The following PPARGC1A variants were observed in gnomAD, a reference collection of about 807,000 sequenced individuals.
PPARGC1A encodes peroxisome proliferator-activated receptor gamma coactivator 1-alpha.
A neutral mutation model predicts 88.7 loss-of-function variants in PPARGC1A; 25 were observed. The observed-to-expected ratio is 0.28, with a 90% CI of 0.21 to 0.39. The LOEUF (loss-of-function observed/expected upper bound fraction) is 0.39. Ranked by LOEUF, PPARGC1A falls within the 10% of genes least tolerant of loss-of-function variation. PPARGC1A has a pLI of 1.00. For synonymous variants in PPARGC1A, 363 were observed against 355.6 expected (o/e 1.02, Z -0.24); for missense variants, 880 against 968.7 (o/e 0.91, Z 1.22).
At chr4:23,965,067 T>A in the PPARGC1A span, among the ~76,000 whole-genome samples, 1 of 152,128 alleles carries the variant, frequency 6.6e-6, no homozygotes, top group Admixed American at 6.6e-5. Context: ...CCTTCCCCTA[T>A]TCTCCCATCA....
At chr4:24,040,386 G>A in the PPARGC1A span, among the ~76,000 whole-genome samples, 1 of 152,118 alleles carries the variant, frequency 6.6e-6, no homozygotes, top group Non-Finnish European at 1.5e-5. Context: ...CCCAAAATAA[G>A]CAGATGTAAT....
At chr4:24,038,770 G>C in the PPARGC1A span, among the ~76,000 whole-genome samples, 24 of 152,252 alleles carry the variant, frequency 1.6e-4, 1 homozygote, top group African/African-American at 5.8e-4. Flanking sequence ...CCCAGCTCCA[G>C]TTTAATTTCT....
chr4:24,202,417 A>G, the PPARGC1A span, among the ~76,000 whole-genome samples: 1 of 152,100 alleles, frequency 6.6e-6, no homozygotes, highest in African/African-American at 2.4e-5. Flanking sequence ...AGAGCCAGGC[A>G]CATGCAAAGT....
At chr4:24,036,786 T>C in the PPARGC1A span, among the ~76,000 whole-genome samples, 3 of 152,204 alleles carry the variant, frequency 2.0e-5, no homozygotes, top group Admixed American at 1.3e-4. Flanking sequence ...GTTGGAGATA[T>C]TATGTACACA....
the PPARGC1A span, among the ~76,000 whole-genome samples, chr4:24,249,308 A>G: frequency 6.6e-6 from 1 of 152,154 alleles, no homozygotes; most frequent in Admixed American, 6.5e-5. Flanking sequence ...AGTAAAAATC[A>G]TAGAGTTATT....
chr4:23,946,116 G>T, the PPARGC1A span, among the ~76,000 whole-genome samples: 1 of 152,146 alleles, frequency 6.6e-6, no homozygotes, highest in African/African-American at 2.4e-5. Flanking sequence ...CACAGGGAAT[G>T]AATCTCACTT....
At chr4:23,914,886 A>G in the PPARGC1A span, among the ~76,000 whole-genome samples, 8 of 152,364 alleles carry the variant, frequency 5.3e-5, no homozygotes, top group South Asian at 1.7e-3. Flanking sequence ...AATATTTTGC[A>G]TTATTGATAA....
chr4:23,850,479 T>C (rs906658013), intron 2 of PPARGC1A, among the ~76,000 whole-genome samples: 15 of 152,228 alleles, frequency 9.9e-5, no homozygotes, highest in Non-Finnish European at 2.1e-4. Context: ...AGTACAAGCA[T>C]GGCAGTAAAG....
At chr4:23,878,154 G>C (rs143031467) in intron 2 of PPARGC1A, among the ~76,000 whole-genome samples, 1 of 152,046 alleles carries the variant, frequency 6.6e-6, no homozygotes, top group Admixed American at 6.6e-5. Flanking sequence ...ACTCCGGGAG[G>C]TTGGAAAAAC....
chr4:24,228,517 AG>A, the PPARGC1A span, among the ~76,000 whole-genome samples: 795 of 152,238 alleles, frequency 5.2e-3, 19 homozygotes, highest in Admixed American at 0.041. Flanking sequence ...AAGGGAGGCA[AG>A]GGTTGAAAAA....
the PPARGC1A span, among the ~76,000 whole-genome samples, chr4:24,085,556 G>A: frequency 6.6e-6 from 1 of 152,168 alleles, no homozygotes; most frequent in Non-Finnish European, 1.5e-5. Flanking sequence ...ACCTTACCAT[G>A]TACTGCCTCT....
the PPARGC1A span, among the ~76,000 whole-genome samples, chr4:24,291,550 A>C: frequency 6.6e-6 from 1 of 152,178 alleles, no homozygotes; most frequent in African/African-American, 2.4e-5. Context: ...CCCAAGGGGT[A>C]GGTGGTTTTA....
the PPARGC1A span, among the ~76,000 whole-genome samples, chr4:24,051,278 T>C: frequency 1.3e-5 from 2 of 148,892 alleles, no homozygotes; most frequent in Non-Finnish European, 3.0e-5. Context: ...AATGGGAACA[T>C]GATGAAAGGC....
upstream of PPARGC1A, among the ~76,000 whole-genome samples, chr4:23,894,706 T>C (rs897891160): frequency 6.6e-6 from 1 of 152,174 alleles, no homozygotes; most frequent in Non-Finnish European, 1.5e-5. Context: ...GTGTTTTTCA[T>C]ATTAAAACAA....
At chr4:24,268,861 C>T in the PPARGC1A span, among the ~76,000 whole-genome samples, 13 of 152,110 alleles carry the variant, frequency 8.5e-5, no homozygotes, top group East Asian at 1.9e-4. Context: ...TTATTTAATC[C>T]GTACATATTT....
chr4:23,849,295 C>T (rs1728859508), intron 2 of PPARGC1A, among the ~76,000 whole-genome samples: 1 of 152,164 alleles, frequency 6.6e-6, no homozygotes, highest in Admixed American at 6.5e-5. Flanking sequence ...AAATGTTATG[C>T]TGGCAATAAA....
chr4:24,387,934 G>GAAAGAAAGGA, the PPARGC1A span, among the ~76,000 whole-genome samples: 15 of 71,458 alleles, frequency 2.1e-4, no homozygotes, highest in Non-Finnish European at 5.3e-5. Context: ...AAGAAAGAAA[G>GAAAGAAAGGA]AGAAAGAAAG....
the PPARGC1A span, among the ~76,000 whole-genome samples, chr4:24,194,374 T>C: frequency 2.0e-5 from 3 of 152,168 alleles, no homozygotes; most frequent in Admixed American, 1.3e-4. Flanking sequence ...CTTGATACTT[T>C]AGCATCCTTT....
the PPARGC1A span, among the ~76,000 whole-genome samples, chr4:24,014,733 C>A: frequency 6.6e-6 from 1 of 152,138 alleles, no homozygotes; most frequent in Non-Finnish European, 1.5e-5. Flanking sequence ...TCTGTCACCT[C>A]AGGAAAGACC....
Sources: gnomAD v4.1 joint callset for allele counts (sites outside exome capture counted in the v4.1 genomes callset) on GRCh38, gnomAD v4.1.1 for gene constraint, MANE v1.5 for transcripts, NCBI Gene and HGNC (gene_info 2026-07-23, HGNC 2026-07-21) for gene names.